Variants in UBE2W observed in about 807,000 individuals in gnomAD.
UBE2W encodes ubiquitin-conjugating enzyme E2 W.
UBE2W carries 18 observed loss-of-function variants against 27.2 expected under a neutral mutation model. The ratio of observed to expected loss-of-function variants is 0.66; its 90% CI spans 0.46 to 0.98. UBE2W has a LOEUF of 0.98. Ranked by LOEUF, UBE2W falls within the 50% of genes least tolerant of loss-of-function variation. UBE2W has a pLI of 0.00. For synonymous variants in UBE2W, 53 were observed against 57.2 expected, an observed-to-expected ratio of 0.93 and a Z score of 0.33; for missense variants, 90 against 180.2, an observed-to-expected ratio of 0.50 and a Z score of 2.87.
chr8:73,873,416 T>G (rs371896749), intron 1 of UBE2W, among the ~76,000 whole-genome samples: 17 of 152,138 alleles, frequency 1.1e-4, no homozygotes, highest in Non-Finnish European at 2.1e-4. Flanking sequence ...CCCAGCACTT[T>G]AGGAGGCCAA....
intron 1 of UBE2W, among the ~76,000 whole-genome samples, chr8:73,833,002 A>T (rs1810144506): frequency 6.6e-6 from 1 of 152,052 alleles, no homozygotes; most frequent in African/African-American, 2.4e-5. Flanking sequence ...AGCCTGGCCG[A>T]TATGGTGAAA....
intron 1 of UBE2W, among the ~76,000 whole-genome samples, chr8:73,853,780 C>T (rs1175776582): frequency 6.6e-6 from 1 of 151,554 alleles, no homozygotes; most frequent in Non-Finnish European, 1.5e-5. Context: ...TCACAGATGA[C>T]AATAAGGAAA....
intron 1 of UBE2W, among the ~76,000 whole-genome samples, chr8:73,849,036 T>A (rs902083286): frequency 3.5e-5 from 1 of 28,420 alleles, no homozygotes; most frequent in African/African-American, 1.7e-4. Context: ...CAAAAAAAAG[T>A]TTATTAAACA....
At chr8:73,867,577 A>G (rs1234507320) in intron 1 of UBE2W, among the ~76,000 whole-genome samples, 1 of 150,880 alleles carries the variant, frequency 6.6e-6, no homozygotes, top group Non-Finnish European at 1.5e-5. Flanking sequence ...CAGGCGTGGT[A>G]GCACGTGCCT....
At chr8:73,810,864 G>C (rs961327959) in intron 3 of UBE2W, among the ~76,000 whole-genome samples, 1 of 152,010 alleles carries the variant, frequency 6.6e-6, no homozygotes, top group African/African-American at 2.4e-5. Context: ...TTTTATTTCG[G>C]TTATTTTTGA....
rs374883156 is a variant in UBE2W, at chr8:73,878,828, A to T, written c.-6T>A. ...CTCACCTGCATTGACGCCATGATGG[A>T]ACCATCCCCCCAAGACCGGCGAGGC... On this transcript the variant is annotated 5_prime_UTR_variant, in exon 1 of 6. Transcript: ENST00000602593. The T allele has an allele frequency of 7.6e-5, 118 of 1,550,512 alleles. 1 individual carries two copies. The African/African-American group carries it at 1.3e-3, about 17-fold the overall frequency.
intron 1 of UBE2W, among the ~76,000 whole-genome samples, chr8:73,842,185 G>A (rs1810559326): frequency 6.6e-6 from 1 of 151,994 alleles, no homozygotes; most frequent in Admixed American, 6.6e-5. Context: ...TCCATCAATA[G>A]GTAAATTATA....
chr8:73,858,620 A>C (rs1811402353), intron 1 of UBE2W, among the ~76,000 whole-genome samples: 1 of 151,544 alleles, frequency 6.6e-6, no homozygotes, highest in Non-Finnish European at 1.5e-5. Flanking sequence ...ATATTTTTAA[A>C]AGAAAAGTCT....
downstream of UBE2W, among the ~76,000 whole-genome samples, chr8:73,782,952 G>T (rs534907580): frequency 6.6e-6 from 1 of 152,302 alleles, no homozygotes; most frequent in East Asian, 1.9e-4. Flanking sequence ...AATGCAGTGG[G>T]TGTGTAGTGG....
At chr8:73,858,443 A>C (rs1811396158) in intron 1 of UBE2W, among the ~76,000 whole-genome samples, 2 of 151,894 alleles carry the variant, frequency 1.3e-5, no homozygotes, top group South Asian at 4.1e-4. Flanking sequence ...TGAAAAGTAC[A>C]AATACTGACT....
rs1356859773 is a variant in UBE2W at position 73,790,346 on chromosome 8, G to C, written c.*3756C>G. 1.0e-6 allele frequency: 1 copy of C among 985,294 alleles called. No homozygotes were observed. The highest frequency in any genetic ancestry group is 1.7e-5 in the African/African-American group (1 of 57,236). The allele number at this position is 985,294 out of a possible 1,614,324, so 61.0% of individuals were successfully genotyped here. ...AAGAGGATTGGGGCCAGTTGGTGCAGATTAAAAGACACCTTCTTCACAGAC... is the reference window on the plus strand; with the variant it reads ...AAGAGGATTGGGGCCAGTTGGTGCACATTAAAAGACACCTTCTTCACAGAC... On this transcript the variant is annotated 3_prime_UTR_variant, in exon 6 of 6. Coordinates refer to ENST00000602593, the MANE Select transcript of UBE2W (RefSeq NM_018299.6).
At chr8:73,835,998 A>G (rs1692358645) in intron 1 of UBE2W, among the ~76,000 whole-genome samples, 1 of 152,242 alleles carries the variant, frequency 6.6e-6, no homozygotes, top group Admixed American at 6.5e-5. Flanking sequence ...ACCCTAAGCC[A>G]GAATCAAACA....
rs1299489002 is a variant in UBE2W, at chr8:73,794,090, A to G, written c.*12T>C. The G allele has an allele frequency of 1.9e-6, 3 of 1,613,604 alleles. No individual in the cohort carries two copies. Among genetic ancestry groups the G allele is most frequent in the East Asian group, 2.2e-5 (1 of 44,856 alleles). On this transcript the variant is annotated 3_prime_UTR_variant, in exon 6 of 6. Coordinates refer to ENST00000602593, the MANE Select transcript of UBE2W (RefSeq NM_018299.6). ...AGGACTATCTTCTGCTAGGAGGATG[A>G]TAACAGTGGCATCAACAAGTATCAT...
chr8:73,856,421 G>A (rs1426069312), intron 1 of UBE2W, among the ~76,000 whole-genome samples: 2 of 133,972 alleles, frequency 1.5e-5, no homozygotes, highest in Admixed American at 8.9e-5. Context: ...CTGGAGTGCA[G>A]TAGCACGATC....
chr8:73,783,738 A>G (rs1163976880), downstream of UBE2W, among the ~76,000 whole-genome samples: 1 of 152,170 alleles, frequency 6.6e-6, no homozygotes, highest in African/African-American at 2.4e-5. Flanking sequence ...CCCTTTGCCC[A>G]CACAATATTA....
chr8:73,823,430 A>G (rs1297963608), intron 3 of UBE2W, among the ~76,000 whole-genome samples: 1 of 152,158 alleles, frequency 6.6e-6, no homozygotes, highest in Non-Finnish European at 1.5e-5. Context: ...CCTTCCCCCA[A>G]TATCTCCCTA....
rs1808308439 is a variant in UBE2W, at chr8:73,794,019, G to A, written c.*83C>T. The A allele has an allele frequency of 4.4e-6, 7 of 1,596,032 alleles. No homozygotes were observed. The highest frequency in any genetic ancestry group is 5.1e-6 in the Non-Finnish European group (6 of 1,172,266). On this transcript the variant is annotated 3_prime_UTR_variant, in exon 6 of 6. Coordinates refer to ENST00000602593, the MANE Select transcript of UBE2W (RefSeq NM_018299.6). The stretch of plus-strand genomic sequence containing the variant: ...TGCCTATAGGTCACTTCCAGTCAAA[G>A]GTTAAAGTTCAAAGACTGAATGATC...
chr8:73,833,287 T>C (rs1810163165), intron 1 of UBE2W, among the ~76,000 whole-genome samples: 1 of 151,288 alleles, frequency 6.6e-6, no homozygotes, highest in Admixed American at 6.6e-5. Flanking sequence ...TAACCCTTTA[T>C]GCAAAAAGCC....
chr8:73,818,388 C>T (rs991010924), intron 3 of UBE2W, among the ~76,000 whole-genome samples: 4 of 152,184 alleles, frequency 2.6e-5, no homozygotes, highest in African/African-American at 7.2e-5. Flanking sequence ...TCTCCCTGCA[C>T]CTTTATGCCC....
Sources: gnomAD v4.1 joint callset for allele counts (sites outside exome capture counted in the v4.1 genomes callset) on GRCh38, gnomAD v4.1.1 for gene constraint, MANE v1.5 for transcripts, NCBI Gene and HGNC (gene_info 2026-07-23, HGNC 2026-07-21) for gene names.